The following B3GALT1 variants were observed in gnomAD, a reference collection of about 807,000 sequenced individuals.
B3GALT1 encodes the protein UDP-Gal:betaGlcNAc beta 1,3-galactosyltransferase, polypeptide 1.
In B3GALT1, 10 loss-of-function variants were observed where a neutral mutation model predicts 23.2. The ratio of observed to expected loss-of-function variants is 0.43; its 90% CI spans 0.27 to 0.73. The LOEUF is 0.73. Ranked by LOEUF, B3GALT1 falls within the 30% of genes least tolerant of loss-of-function variation. The pLI is 0.21. For missense variants in B3GALT1, 299 were observed against 405.4 expected, an observed-to-expected ratio of 0.74 and a Z score of 2.25; for synonymous variants, 156 against 141.5, an observed-to-expected ratio of 1.10 and a Z score of -0.73.
chr2:167,423,697 C>T (rs960048241), intron 1 of B3GALT1, among the ~76,000 whole-genome samples: 23 of 152,270 alleles, frequency 1.5e-4, no homozygotes, highest in Admixed American at 1.4e-3. Context: ...GAGCAGCACC[C>T]AGAAGACTTG....
At chr2:167,517,428 A>T (rs1700113508) in intron 2 of B3GALT1, among the ~76,000 whole-genome samples, 1 of 152,042 alleles carries the variant, frequency 6.6e-6, no homozygotes, top group East Asian at 1.9e-4. Context: ...TAAAAAAAAT[A>T]GCAACTATTA....
rs562467233 is a variant in B3GALT1 at position 167,666,613 on chromosome 2, G to T, written c.-352+19647G>T. Among the ~76,000 whole-genome samples the T allele has an allele frequency of 9.8e-3, 1,497 of 152,044 alleles. 18 individuals are homozygous for T. The highest frequency in any genetic ancestry group is 0.034 in the African/African-American group (1,401 of 41,456). ...TCTCTTTGTAGGTCACTCAGGACTTGCTTTATGAATCTGGGTGCTCCTGTA... is the reference window on the plus strand; with the variant it reads ...TCTCTTTGTAGGTCACTCAGGACTTTCTTTATGAATCTGGGTGCTCCTGTA... On this transcript the variant is annotated intron_variant, in intron 3 of 4. Transcript: ENST00000392690.
intron 3 of B3GALT1, among the ~76,000 whole-genome samples, chr2:167,709,221 T>C (rs1687014433): frequency 6.6e-6 from 1 of 152,146 alleles, no homozygotes; most frequent in Non-Finnish European, 1.5e-5. Context: ...CAGAGCAGTG[T>C]GGTGCCAAAG....
At chr2:167,561,176 A>T (rs1458940843) in intron 2 of B3GALT1, among the ~76,000 whole-genome samples, 1 of 152,230 alleles carries the variant, frequency 6.6e-6, no homozygotes, top group Non-Finnish European at 1.5e-5. Flanking sequence ...AACTACATGG[A>T]AACTGAACAA....
intron 3 of B3GALT1, among the ~76,000 whole-genome samples, chr2:167,789,148 T>C (rs1478297875): frequency 6.6e-6 from 1 of 152,218 alleles, no homozygotes; most frequent in African/African-American, 2.4e-5. Context: ...CTTACTTAAT[T>C]TGAGGCATCG....
chr2:167,389,925 C>CAA (rs751630307), intron 1 of B3GALT1, among the ~76,000 whole-genome samples: 14,805 of 105,318 alleles, frequency 0.14, 1,144 homozygotes, highest in East Asian at 0.39. Context: ...AAAAAAAAAA[C>CAA]AAAAAAAAAA....
intron 1 of B3GALT1, among the ~76,000 whole-genome samples, chr2:167,435,032 A>G (rs996677473): frequency 2.0e-5 from 3 of 152,142 alleles, no homozygotes; most frequent in African/African-American, 7.2e-5. Flanking sequence ...ACATAATGTA[A>G]GAGTCCATAA....
intron 3 of B3GALT1, among the ~76,000 whole-genome samples, chr2:167,750,734 CAA>C (rs527622209): frequency 0.034 from 1,972 of 58,488 alleles, 40 homozygotes; most frequent in African/African-American, 0.084. Flanking sequence ...GACTGTTGAG[CAA>C]AAAAAAAAAA....
chr2:167,317,391 C>T (rs1696736161), intron 1 of B3GALT1, among the ~76,000 whole-genome samples: 1 of 152,070 alleles, frequency 6.6e-6, no homozygotes, highest in African/African-American at 2.4e-5. Flanking sequence ...AAAAGCCAGG[C>T]TCTTCAGCTC....
chr2:167,795,641 A>G (rs748050324), intron 3 of B3GALT1, among the ~76,000 whole-genome samples: 7 of 152,166 alleles, frequency 4.6e-5, no homozygotes, highest in Non-Finnish European at 8.8e-5. Flanking sequence ...TTTCTGTGCT[A>G]AGATAGGTTG....
At chr2:167,753,148 C>T (rs1687765218) in intron 3 of B3GALT1, among the ~76,000 whole-genome samples, 1 of 152,182 alleles carries the variant, frequency 6.6e-6, no homozygotes, top group South Asian at 2.1e-4. Context: ...TGCAATCATA[C>T]ACCTGAGTTT....
At position 167,402,629 on chromosome 2, in the gene B3GALT1, CATAA is replaced by C. The variant is rs200334225; in HGVS notation, c.-510-87539_-510-87536del. On this transcript the variant is annotated intron_variant, in intron 1 of 4. Coordinates refer to ENST00000392690, the MANE Select transcript of B3GALT1 (RefSeq NM_020981.4). ...TAGGTATTATTATTTTCATTTTATA[CATAA>C]ATAAATAAGGCATAGGGAGTTAAAT... 1.6e-3 allele frequency among the ~76,000 whole-genome samples: 249 copies of C among 152,174 alleles called. 1 individual carries two copies. In the East Asian group the frequency reaches 0.018, roughly 11 times the overall value.
At chr2:167,807,691 A>G (rs1287145458) in intron 3 of B3GALT1, among the ~76,000 whole-genome samples, 1 of 152,000 alleles carries the variant, frequency 6.6e-6, no homozygotes, top group Non-Finnish European at 1.5e-5. Context: ...AGTTTGTTAT[A>G]ATTTCTGTTC....
At chr2:167,848,282 TA>T (rs1689803155) in intron 4 of B3GALT1, among the ~76,000 whole-genome samples, 1 of 151,932 alleles carries the variant, frequency 6.6e-6, no homozygotes. Context: ...GGAACGGACA[TA>T]ACCAAAAAAA....
intron 1 of B3GALT1, among the ~76,000 whole-genome samples, chr2:167,364,879 T>C (rs1697563157): frequency 6.6e-6 from 1 of 152,186 alleles, no homozygotes; most frequent in Non-Finnish European, 1.5e-5. Context: ...CATGAGATCC[T>C]CCTAAAACCC....
chr2:167,724,097 C>T (rs1158617695), intron 3 of B3GALT1, among the ~76,000 whole-genome samples: 1 of 152,182 alleles, frequency 6.6e-6, no homozygotes, highest in Non-Finnish European at 1.5e-5. Context: ...AGACATTCTC[C>T]TTGCATTTAT....
At chr2:167,325,359 C>T (rs531614972) in intron 1 of B3GALT1, among the ~76,000 whole-genome samples, 1 of 151,968 alleles carries the variant, frequency 6.6e-6, no homozygotes, top group Non-Finnish European at 1.5e-5. Flanking sequence ...GGGGAGGCCT[C>T]AGGGAGCTTT....
intron 4 of B3GALT1, among the ~76,000 whole-genome samples, chr2:167,867,234 C>A (rs750287461): frequency 7.7e-4 from 117 of 152,210 alleles, no homozygotes; most frequent in Non-Finnish European, 1.6e-3. Flanking sequence ...CCGAGAAGCT[C>A]TTTTTTTCTA....
rs189682737 is a variant in B3GALT1 at position 167,755,036 on chromosome 2, G to T, written c.-351-63636G>T. 1.0e-3 allele frequency among the ~76,000 whole-genome samples: 153 copies of T among 151,980 alleles called. 1 individual carries two copies. The highest frequency in any genetic ancestry group is 3.5e-3 in the African/African-American group (144 of 41,470). On this transcript the variant is annotated intron_variant, in intron 3 of 4. Coordinates refer to ENST00000392690, the MANE Select transcript of B3GALT1 (RefSeq NM_020981.4). ...GTCTAATGAGTATGTTGTAGGGGGC[G>T]GGGTGATGGTGCAGCCTAGAGCCAT...
Sources: gnomAD v4.1 joint callset for allele counts (sites outside exome capture counted in the v4.1 genomes callset) on GRCh38, gnomAD v4.1.1 for gene constraint, MANE v1.5 for transcripts, NCBI Gene and HGNC (gene_info 2026-07-23, HGNC 2026-07-21) for gene names.